The following MINDY2 variants were observed in gnomAD, a reference collection of about 807,000 sequenced individuals.
MINDY2 encodes the protein ubiquitin carboxyl-terminal hydrolase MINDY-2.
A neutral mutation model predicts 68.2 loss-of-function variants in MINDY2; 52 were observed. The observed-to-expected ratio is 0.76, with a 90% CI of 0.61 to 0.96. MINDY2 has a LOEUF of 0.96. MINDY2 is among the 40% of genes least tolerant of loss of function. The pLI, the probability that MINDY2 is intolerant of heterozygous loss-of-function variation, is 0.00. For missense variants in MINDY2, 881 were observed against 773.4 expected (o/e 1.14, Z -1.65); for synonymous variants, 372 against 303.0 (o/e 1.23, Z -2.36).
chr15:58,774,492 G>GACAAA (rs1900653769), intron 1 of MINDY2, among the ~76,000 whole-genome samples: 1 of 92,828 alleles, frequency 1.1e-5, no homozygotes, highest in Non-Finnish European at 2.3e-5. Flanking sequence ...CCCAAAAAAA[G>GACAAA]AAAAAAAAAA....
rs2033192280 is a variant in MINDY2, at chr15:58,860,587, A to G, written c.*5977A>G. On this transcript the variant is annotated 3_prime_UTR_variant, in exon 9 of 9. Transcript: ENST00000559228. ...AGACTCTTATATCTCAAAAAAAAAA[A>G]AAAAAAAAAGTCAAGAAACTGAAAT... 1.3e-5 allele frequency: 2 copies of G among 151,842 alleles called. No individual in the cohort carries two copies. Among genetic ancestry groups the G allele is most frequent in the African/African-American group, 4.8e-5 (2 of 41,402 alleles). 9.4% of individuals were successfully genotyped at this position (151,842 alleles called of 1,614,324 possible). A position where few individuals can be genotyped will look rare whatever the true frequency, so the allele number is the denominator to read the frequency against.
rs1343128037 is a variant in MINDY2 at position 58,771,702 on chromosome 15, A to G, written c.307A>G (p.Arg103Gly). The change falls in exon 1 of 9, where the codon AGA becomes GGA. Residue 103 changes from arginine (R) to glycine (G), a missense_variant. By Grantham distance (125) the Arg-to-Gly change is moderately radical. Coordinates refer to ENST00000559228, the MANE Select transcript of MINDY2 (RefSeq NM_001040450.3). ...TCCTGCTGCCGCCGAGGCGCCTCTG[A>G]GAGGGCAGTACAAGGTGACCGCCTC... ...ESPAAAEAPL[R>G]GQYKVTASPE... is the part of the protein sequence containing the mutation. 6.2e-7 allele frequency: 1 copy of G among 1,612,256 alleles called. No homozygotes were observed. Among genetic ancestry groups the G allele is most frequent in the Non-Finnish European group, 8.5e-7 (1 of 1,179,822 alleles).
chr15:58,808,983 G>A (rs931890600), intron 3 of MINDY2, among the ~76,000 whole-genome samples: 4 of 152,196 alleles, frequency 2.6e-5, no homozygotes, highest in East Asian at 1.9e-4. Flanking sequence ...AGGCTGAGGC[G>A]GAGAATCACT....
In MINDY2 at chr15:58,821,750, A is replaced by C. The variant is rs776540326; in HGVS notation, c.1156A>C (p.Ser386Arg). ...DDIVKAVGNC[S>R]YNQLVEKIIS... ...CATTGTAAAAGCTGTTGGTAACTGCAGCTACAACCAACTAGTGGAGAAGAT... is the reference window on the plus strand; with the variant it reads ...CATTGTAAAAGCTGTTGGTAACTGCCGCTACAACCAACTAGTGGAGAAGAT... The change falls in exon 5 of 9, where the codon AGC becomes CGC. Residue 386 changes from serine (S) to arginine (R), a missense_variant. Transcript: ENST00000559228. The C allele has an allele frequency of 6.3e-7, 1 of 1,590,360 alleles. No homozygotes were observed. The highest frequency in any genetic ancestry group is 1.8e-5 in the Admixed American group (1 of 54,390).
At chr15:58,852,023 A>C in intron 8 of MINDY2, 58 bp downstream of exon 8, 13 of 1,342,836 alleles carry the variant, frequency 9.7e-6, no homozygotes, top group African/African-American at 1.5e-5. Context: ...GTAGTGGCTC[A>C]CACCTGTATT....
chr15:58,852,922 GTTTTTTTTTTTTTTTTTTTTTTTTT>G (rs746154698), intron 8 of MINDY2, among the ~76,000 whole-genome samples: 15 of 48,926 alleles, frequency 3.1e-4, no homozygotes, highest in African/African-American at 9.8e-4. Context: ...TGCTGTTCCT[GTTTTTTTTTTTTTTTTTTTTTTTTT>G]TTTTTTTTTT....
At chr15:58,817,397 C>G (rs1292719668) in intron 4 of MINDY2, among the ~76,000 whole-genome samples, 1 of 152,208 alleles carries the variant, frequency 6.6e-6, no homozygotes, top group Non-Finnish European at 1.5e-5. Flanking sequence ...TTAGAGACCA[C>G]TGTACATACA....
rs780140528 is a variant in MINDY2 at position 58,838,582 on chromosome 15, A to ATTTTTTTTTTT, written c.1368+6678_1368+6688dup. ...TTGTTAGTGGGGCTACTTTTTAGGG[A>ATTTTTTTTTTT]TTTTTTTTTTTTTTTTTTTTTTGAG... is the stretch of plus-strand genomic sequence containing the variant. On this transcript the variant is annotated intron_variant, in intron 6 of 8. Transcript: ENST00000559228. Among the ~76,000 whole-genome samples, 28 of 93,074 alleles carry ATTTTTTTTTTT rather than the reference A, an allele frequency of 3.0e-4. 2 individuals carry two copies. The highest frequency in any genetic ancestry group is 8.6e-4 in the East Asian group (2 of 2,330). The allele number at this position is 93,074 out of a possible 152,430, so 61.1% of individuals were successfully genotyped here. A position where few individuals can be genotyped will look rare whatever the true frequency, so the allele number is the denominator to read the frequency against.
chr15:58,848,429 G>A, intron 7 of MINDY2, among the ~76,000 whole-genome samples: 1 of 152,306 alleles, frequency 6.6e-6, no homozygotes. Flanking sequence ...AATTTGAAGA[G>A]CAGTTATCAA....
rs189932935 is a variant in MINDY2, at chr15:58,818,947, T to A, written c.1123-2770T>A. 7.2e-5 allele frequency among the ~76,000 whole-genome samples: 11 copies of A among 152,072 alleles called. No individual in the cohort carries two copies. In the East Asian group the frequency reaches 2.1e-3, roughly 29 times the overall value. ...TGAGCCACTATGCCCAGCCTATTGA[T>A]CTTGTGTTTATTATTGTAGTTGGGT... On this transcript the variant is annotated intron_variant, in intron 4 of 8. Coordinates refer to ENST00000559228, the MANE Select transcript of MINDY2 (RefSeq NM_001040450.3).
rs2031080291 is a variant in MINDY2, at chr15:58,821,835, TA to T, written c.1225+17del. 6.6e-7 allele frequency: 1 copy of T among 1,520,662 alleles called. No homozygotes were observed. The highest frequency in any genetic ancestry group is 8.9e-7 in the Non-Finnish European group (1 of 1,120,356). The allele number at this position is 1,520,662 out of a possible 1,614,324, so 94.2% of individuals were successfully genotyped here. ...GTTAGTGAAGGTGGGTGAGTGCTGC[TA>T]TTTCCTGACTTTTGAAATTCTTGGC... On this transcript the variant is annotated intron_variant, in intron 5 of 8. Coordinates refer to ENST00000559228, the MANE Select transcript of MINDY2 (RefSeq NM_001040450.3).
rs760749070 is a variant in MINDY2, at chr15:58,821,790, A to T, written c.1196A>T (p.Gln399Leu). 6.3e-7 allele frequency: 1 copy of T among 1,592,452 alleles called. No homozygotes were observed. The highest frequency in any genetic ancestry group is 1.8e-5 in the Admixed American group (1 of 55,502). ...QLVEKIISCK[Q>L]SDNSELVSEG... ...GTGGAGAAGATCATCTCTTGTAAACAGTCAGACAATAGTGAGCTGGTTAGT... is the reference window on the plus strand; with the variant it reads ...GTGGAGAAGATCATCTCTTGTAAACTGTCAGACAATAGTGAGCTGGTTAGT... Residue 399 changes from glutamine to leucine, a missense_variant, in exon 5 of 9, where the codon CAG (glutamine) becomes CTG (leucine). Physicochemically the swap from Gln to Leu is moderately radical, Grantham distance 113. Transcript: ENST00000559228.
intron 5 of MINDY2, among the ~76,000 whole-genome samples, chr15:58,827,958 C>T (rs993564370): frequency 4.6e-5 from 7 of 151,958 alleles, no homozygotes; most frequent in South Asian, 4.2e-4. Context: ...GTGGGCTGGG[C>T]GCAGTGGCTC....
intron 6 of MINDY2, 152 bp from the exon 7 acceptor site, chr15:58,847,145 T>C (rs1161313808): frequency 1.6e-5 from 8 of 509,528 alleles, no homozygotes; most frequent in South Asian, 7.1e-5. Flanking sequence ...AAGTAAAATA[T>C]CTACTTGGTC....
rs1282696952 is a variant in MINDY2, at chr15:58,861,018, A to G, written c.*6408A>G. 1 of 152,068 alleles carries G rather than the reference A, an allele frequency of 6.6e-6. No individual in the cohort carries two copies. 9.4% of individuals were successfully genotyped at this position (152,068 alleles called of 1,614,324 possible). A position where few individuals can be genotyped will look rare whatever the true frequency, so the allele number is the denominator to read the frequency against. On this transcript the variant is annotated 3_prime_UTR_variant, in exon 9 of 9. Coordinates refer to ENST00000559228, the MANE Select transcript of MINDY2 (RefSeq NM_001040450.3). The stretch of plus-strand genomic sequence containing the variant: ...CAGTATAACAGGAGATTGGTGTGTG[A>G]ATGCTACAAAACAGTCAGCAAAAGG...
chr15:58,794,192 C>T (rs1439131086), intron 2 of MINDY2, among the ~76,000 whole-genome samples: 1 of 151,870 alleles, frequency 6.6e-6, no homozygotes, highest in East Asian at 1.9e-4. Flanking sequence ...AGAATTTAAG[C>T]TGCGTAAAGA....
In MINDY2 at chr15:58,847,413, T is replaced by G. The variant is rs2032589916; in HGVS notation, c.1485T>G (p.Leu495=). Residue 495 remains leucine (L), a synonymous_variant, in exon 7 of 9, where the codon CTT becomes CTG. Coordinates refer to ENST00000559228, the MANE Select transcript of MINDY2 (RefSeq NM_001040450.3). ...ATTTCTGTGACTCAGAATTTCATCT[T>G]CGACCTCCTTCAGATCCTGAAACTG... ...DGNFCDSEFH[L]RPPSDPETVY... 1.2e-6 allele frequency: 2 copies of G among 1,606,700 alleles called. No individual in the cohort carries two copies.
chr15:58,797,813 G>A lies in MINDY2; in HGVS notation c.899-4500G>A, dbSNP rs1363827258. On this transcript the variant is annotated intron_variant, in intron 2 of 8. Transcript: ENST00000559228. Reference sequence around the variant, plus strand: ...CTCTTTTGCCATGAGTTCTGCAAATGAAGAGATACAGTTGTGGTGGCAGAG... The same window carrying A: ...CTCTTTTGCCATGAGTTCTGCAAATAAAGAGATACAGTTGTGGTGGCAGAG... Among the ~76,000 whole-genome samples, 3 of 152,084 alleles carry A rather than the reference G, an allele frequency of 2.0e-5. No homozygotes were observed. In the East Asian group the frequency reaches 5.8e-4, roughly 29 times the overall value.
At chr15:58,834,452 C>G (rs760346781) in intron 6 of MINDY2, among the ~76,000 whole-genome samples, 12 of 152,222 alleles carry the variant, frequency 7.9e-5, no homozygotes, top group Non-Finnish European at 1.2e-4. Flanking sequence ...AAATTGTATG[C>G]TAAAACTGTA....
Sources: gnomAD v4.1 joint callset for allele counts (sites outside exome capture counted in the v4.1 genomes callset) on GRCh38, gnomAD v4.1.1 for gene constraint, MANE v1.5 for transcripts, NCBI Gene and HGNC (gene_info 2026-07-23, HGNC 2026-07-21) for gene names.